PARP3: variants seen among roughly 807,000 people sequenced by gnomAD.
The protein encoded by PARP3 is poly(ADP-ribose) polymerase family member 3.
PARP3 carries 46 observed loss-of-function variants against 58.2 expected under a neutral mutation model. That is an observed-to-expected ratio of 0.79 (90% CI 0.62 to 1.01). The LOEUF (loss-of-function observed/expected upper bound fraction) is 1.01. PARP3 is among the 50% of genes least tolerant of loss of function. PARP3 has a pLI of 0.00. For missense variants in PARP3, 663 were observed against 683.9 expected (o/e 0.97, Z 0.34); for synonymous variants, 252 against 266.4 (o/e 0.95, Z 0.53).
chr3:51,946,257 G>A lies in PARP3; in HGVS notation c.1190G>A (p.Ser397Asn), dbSNP rs1699674507. 1 of 1,614,100 alleles carries A rather than the reference G, an allele frequency of 6.2e-7. No individual in the cohort carries two copies. Among genetic ancestry groups the A allele is most frequent in the Non-Finnish European group, 8.5e-7 (1 of 1,179,976 alleles). ...GCCGTGGTGGCCGCCATCCTCACTA[G>A]TGGGCTCCGCATCATGCCACATTCT... ...NMAVVAAILTSGLRIMPHSGG... is the reference protein window; with the variant it reads ...NMAVVAAILTNGLRIMPHSGG... The change falls in exon 9 of 11, where the codon AGT becomes AAT. Residue 397 changes from serine to asparagine, a missense_variant. Physicochemically the swap from Ser to Asn is conservative, Grantham distance 46. This residue lies in a region of PARP3 where 567 missense variants were observed against 553.6 expected (regional missense o/e 1.02). Transcript: ENST00000398755. This position sits in a 1 kb window ranked among gnomAD's most constrained non-coding sequence, Gnocchi z 4.6.
intron 9 of PARP3, among the ~76,000 whole-genome samples, chr3:51,947,461 G>A (rs1699706877): frequency 2.0e-5 from 3 of 152,200 alleles, no homozygotes; most frequent in Admixed American, 2.0e-4. Context: ...AGTCAGCAGA[G>A]CAGGCCAGGG....
At position 51,945,593 on chromosome 3, in the gene PARP3, G is replaced by T; in HGVS notation, c.960G>T (p.Gln320His). The T allele has an allele frequency of 1.2e-6, 2 of 1,613,984 alleles. No homozygotes were observed. The highest frequency in any genetic ancestry group is 1.7e-6 in the Non-Finnish European group (2 of 1,180,012). ...EVPHPLDRDY[Q>H]LLKCQLQLLD... The stretch of plus-strand genomic sequence containing the variant: ...CACACCCCCTGGACCGAGACTACCA[G>T]CTTCTCAAGTGCCAGCTGCAGCTGC... Residue 320 changes from glutamine (Q) to histidine (H), a missense_variant, in exon 7 of 11, where the codon CAG (glutamine) becomes CAT (histidine). Physicochemically the swap from Gln to His is conservative, Grantham distance 24 (BLOSUM62 0). Around this residue, in one of 3 missense-constraint regions of PARP3, gnomAD observed 567 missense variants for 553.6 expected, o/e 1.02. Coordinates refer to ENST00000398755, the MANE Select transcript of PARP3 (RefSeq NM_001003931.4).
rs1308916634 is a variant in PARP3, at chr3:51,947,828, C to T, written c.1365C>T (p.Asp455=). ...ALGREHHINT[D]NPSLKSPPPG... ...GCAGAGAGCACCATATCAACACGGA[C>T]AACCCCAGCTTGAAGAGCCCACCTC... Residue 455 remains aspartate, a synonymous_variant, in exon 10 of 11, where the codon GAC becomes GAT. Transcript: ENST00000398755. The T allele has an allele frequency of 6.2e-7, 1 of 1,614,118 alleles. No homozygotes were observed. Among genetic ancestry groups the T allele is most frequent in the Admixed American group, 1.7e-5 (1 of 60,026 alleles).
chr3:51,946,233 C>T lies in PARP3; in HGVS notation c.1166C>T (p.Ala389Val). Reference protein sequence around the residue: ...RKLLWHGTNMAVVAAILTSGL... With the variant: ...RKLLWHGTNMVVVAAILTSGL... Reference sequence around the variant, plus strand: ...CTGCTGTGGCATGGCACCAACATGGCCGTGGTGGCCGCCATCCTCACTAGT... The same window carrying T: ...CTGCTGTGGCATGGCACCAACATGGTCGTGGTGGCCGCCATCCTCACTAGT... The change falls in exon 9 of 11, where the codon GCC becomes GTC. Residue 389 changes from alanine (A) to valine (V), a missense_variant. Coordinates refer to ENST00000398755, the MANE Select transcript of PARP3 (RefSeq NM_001003931.4). This position sits in a 1 kb window ranked among gnomAD's most constrained non-coding sequence, Gnocchi z 4.6. The T allele has an allele frequency of 6.2e-7, 1 of 1,613,836 alleles. No individual in the cohort carries two copies. Among genetic ancestry groups the T allele is most frequent in the Non-Finnish European group, 8.5e-7 (1 of 1,179,792 alleles).
chr3:51,944,806 CTA>C lies in PARP3; in HGVS notation c.531_532del (p.Lys178AlafsTer17). ...GACAGAGGCCCAGTGAGGACTGTGA[CTA>C]AGCGGGTGCAGCCCTGCTCCCTGGA... is the stretch of plus-strand genomic sequence containing the variant. On this transcript the variant is annotated frameshift_variant, in exon 5 of 11. Transcript: ENST00000398755. LOFTEE classifies it high-confidence loss of function. The surrounding 1 kb of genome is among the most constrained non-coding windows in gnomAD (Gnocchi z 4.2). 3 of 1,613,246 alleles carry C rather than the reference CTA, an allele frequency of 1.9e-6. No individual in the cohort carries two copies. Among genetic ancestry groups the C allele is most frequent in the Non-Finnish European group, 2.5e-6 (3 of 1,179,760 alleles).
In PARP3 at chr3:51,944,682, G is replaced by A; in HGVS notation, c.502-96G>A. On this transcript the variant is annotated intron_variant, in intron 4 of 10. Transcript: ENST00000398755. The surrounding 1 kb of genome is among the most constrained non-coding windows in gnomAD (Gnocchi z 4.2). Reference sequence around the variant, plus strand: ...GCCACTGCCCAGCTGCGCAGCCTCAGCCACAGAACTCCCCTCTGGCCTCAG... The same window carrying A: ...GCCACTGCCCAGCTGCGCAGCCTCAACCACAGAACTCCCCTCTGGCCTCAG... 6.3e-7 allele frequency: 1 copy of A among 1,575,608 alleles called. No homozygotes were observed. Among genetic ancestry groups the A allele is most frequent in the Non-Finnish European group, 8.6e-7 (1 of 1,158,118 alleles).
At chr3:51,943,567 A>G (rs1442503698) in intron 2 of PARP3, 29 bp downstream of exon 2, 2 of 1,588,958 alleles carry the variant, frequency 1.3e-6, no homozygotes. Context: ...TCAGGCCCAG[A>G]GCCTGCCCAC....
chr3:51,942,733 C>A (rs1414587217), intron 1 of PARP3, 25 bp downstream of exon 1: 1 of 1,554,056 alleles, frequency 6.4e-7, no homozygotes, highest in South Asian at 1.2e-5. Flanking sequence ...GTCCTGCCCA[C>A]GGCAGGGCAG....
Position 51,943,426 on chromosome 3 carries a change from G to A in PARP3, c.71G>A (p.Arg24Lys), listed in dbSNP as rs1043360310. 1.2e-6 allele frequency: 2 copies of A among 1,607,390 alleles called. No individual in the cohort carries two copies. The highest frequency in any genetic ancestry group is 3.4e-5 in the Admixed American group (2 of 59,126). ...PEKKKGRQAGREEDPFRSTAE... is the reference protein window; with the variant it reads ...PEKKKGRQAGKEEDPFRSTAE... ...AAGAAGAAGGGCCGGCAGGCAGGAA[G>A]GGAGGAGGACCCCTTCCGCTCCACC... is the stretch of plus-strand genomic sequence containing the variant. The change falls in exon 2 of 11, where the codon AGG (arginine) becomes AAG (lysine). Residue 24 changes from arginine to lysine, a missense_variant. This residue lies in a region of PARP3 where 567 missense variants were observed against 553.6 expected (regional missense o/e 1.02). Transcript: ENST00000398755.
intron 7 of PARP3, 100 bp from the exon 8 acceptor site, chr3:51,945,753 G>A: frequency 1.3e-6 from 2 of 1,526,012 alleles, no homozygotes; most frequent in Non-Finnish European, 1.8e-6. Flanking sequence ...CTCTTCCTGT[G>A]TCTCCAGGGC....
rs752978578 is a variant in PARP3 at position 51,947,772 on chromosome 3, G to A, written c.1309G>A (p.Gly437Ser). ...CATGAAGTGTGGGGCCCACCATGTC[G>A]GCTACATGTTCCTGGGTGAGGTGGC... ...IGMKCGAHHV[G>S]YMFLGEVALG... Residue 437 changes from glycine to serine, a missense_variant, in exon 10 of 11, where the codon GGC becomes AGC. Gly to Ser is a moderately conservative substitution (Grantham distance 56, BLOSUM62 0). Transcript: ENST00000398755. 4.3e-6 allele frequency: 7 copies of A among 1,613,992 alleles called. No homozygotes were observed. The highest frequency in any genetic ancestry group is 1.7e-5 in the Admixed American group (1 of 59,996).
At position 51,943,163 on chromosome 3, in the gene PARP3, G is replaced by C; in HGVS notation, c.-2-191G>C. ...AAGGGGTGTTTCTGAGTGACAAAGA[G>C]CTGGGTGTGGTCTGGGGCTGGGAAT... is the stretch of plus-strand genomic sequence containing the variant. On this transcript the variant is annotated intron_variant, in intron 1 of 10. Coordinates refer to ENST00000398755, the MANE Select transcript of PARP3 (RefSeq NM_001003931.4). 4.3e-6 allele frequency: 4 copies of C among 935,098 alleles called. No individual in the cohort carries two copies. In the South Asian group the frequency reaches 7.2e-5, roughly 17 times the overall value. The allele number at this position is 935,098 out of a possible 1,614,324, so 57.9% of individuals were successfully genotyped here. A position where few individuals can be genotyped will look rare whatever the true frequency, so the allele number is the denominator to read the frequency against.
chr3:51,945,009 A>G lies in PARP3; in HGVS notation c.646A>G (p.Met216Val). ...MALMDLDVKK[M>V]PLGKLSKQQI... ...CCCTGTCCCCCTAGATGTGAAGAAG[A>G]TGCCCCTGGGAAAGCTGAGCAAGCA... The change falls in exon 6 of 11, where the codon ATG becomes GTG. Residue 216 changes from methionine to valine, a missense_variant. Physicochemically the swap from Met to Val is conservative, Grantham distance 21. Transcript: ENST00000398755. 1 of 1,613,864 alleles carries G rather than the reference A, an allele frequency of 6.2e-7. No homozygotes were observed. Among genetic ancestry groups the G allele is most frequent in the Non-Finnish European group, 8.5e-7 (1 of 1,179,996 alleles).
rs1242913307 is a variant in PARP3, at chr3:51,945,933, A to C, written c.1092A>C (p.Glu364Asp). 1.2e-6 allele frequency: 2 copies of C among 1,613,478 alleles called. No individual in the cohort carries two copies. Among genetic ancestry groups the C allele is most frequent in the South Asian group, 1.1e-5 (1 of 91,064 alleles). ...TLQHIWKVNQ[E>D]GEEDRFQAHS... ...AACACATCTGGAAAGTAAACCAAGA[A>C]GGGGAGGTGAGGGAGGTTCCCCCAC... Residue 364 changes from glutamate (E) to aspartate (D), a missense_variant, in exon 8 of 11, where the codon GAA becomes GAC. By Grantham distance (45) the Glu-to-Asp change is conservative. This residue lies in a region of PARP3 where 567 missense variants were observed against 553.6 expected (regional missense o/e 1.02). Coordinates refer to ENST00000398755, the MANE Select transcript of PARP3 (RefSeq NM_001003931.4).
intron 9 of PARP3, among the ~76,000 whole-genome samples, chr3:51,947,104 G>A (rs931217022): frequency 2.6e-5 from 4 of 152,286 alleles, no homozygotes; most frequent in African/African-American, 9.6e-5. Context: ...CCCATGAGAG[G>A]GGCATGTAGG....
chr3:51,945,030 A>C lies in PARP3; in HGVS notation c.667A>C (p.Lys223Gln), dbSNP rs1345737446. The C allele has an allele frequency of 6.2e-7, 1 of 1,614,074 alleles. No homozygotes were observed. The highest frequency in any genetic ancestry group is 8.5e-7 in the Non-Finnish European group (1 of 1,180,032). The change falls in exon 6 of 11, where the codon AAG (lysine) becomes CAG (glutamine). Residue 223 changes from lysine to glutamine, a missense_variant. Transcript: ENST00000398755. ...VKKMPLGKLS[K>Q]QQIARGFEAL... Reference sequence around the variant, plus strand: ...GAAGATGCCCCTGGGAAAGCTGAGCAAGCAACAGATTGCACGGGGTTTCGA... The same window carrying C: ...GAAGATGCCCCTGGGAAAGCTGAGCCAGCAACAGATTGCACGGGGTTTCGA...
At position 51,943,484 on chromosome 3, in the gene PARP3, G is replaced by A; in HGVS notation, c.129G>A (p.Lys43=). The A allele has an allele frequency of 6.2e-7, 1 of 1,611,326 alleles. No individual in the cohort carries two copies. Among genetic ancestry groups the A allele is most frequent in the Non-Finnish European group, 8.5e-7 (1 of 1,179,174 alleles). The change falls in exon 2 of 11, where the codon AAG becomes AAA. Residue 43 remains lysine, a synonymous_variant. Coordinates refer to ENST00000398755, the MANE Select transcript of PARP3 (RefSeq NM_001003931.4). ...CCCTCAAGGCCATACCCGCAGAGAA[G>A]CGCATAATCCGCGTGGATCCAACAT... ...AEALKAIPAE[K]RIIRVDPTCP...
Position 51,945,557 on chromosome 3 carries a change from G to C in PARP3, c.924G>C (p.Val308=). The part of the protein sequence containing the change: ...LQAVSEQEKT[V]EEVPHPLDRD... Reference sequence around the variant, plus strand: ...CAGTCTCTGAGCAGGAGAAGACGGTGGAGGAGGTGCCACACCCCCTGGACC... The same window carrying C: ...CAGTCTCTGAGCAGGAGAAGACGGTCGAGGAGGTGCCACACCCCCTGGACC... The change falls in exon 7 of 11, where the codon GTG becomes GTC. Residue 308 remains valine (V), a synonymous_variant. Transcript: ENST00000398755. 1.2e-6 allele frequency: 2 copies of C among 1,613,896 alleles called. No individual in the cohort carries two copies. The highest frequency in any genetic ancestry group is 1.7e-6 in the Non-Finnish European group (2 of 1,179,996).
At chr3:51,942,915 C>T in intron 1 of PARP3, 2 of 1,417,772 alleles carry the variant, frequency 1.4e-6, no homozygotes, top group Non-Finnish European at 1.8e-6. Context: ...ATCCTCTGCC[C>T]ACCCTCCCCC....
Sources: gnomAD v4.1 joint callset for allele counts (sites outside exome capture counted in the v4.1 genomes callset) on GRCh38, gnomAD v4.1.1 for gene constraint, gnomAD v4.1.1 regional missense constraint, Gnocchi (gnomAD v3.1) non-coding constraint, MANE v1.5 for transcripts, NCBI Gene and HGNC (gene_info 2026-07-23, HGNC 2026-07-21) for gene names.